Variants in PARD3B observed in about 807,000 individuals in gnomAD.
The protein encoded by PARD3B is partitioning defective 3 homolog B.
PARD3B carries 103 observed loss-of-function variants against 130.2 expected under a neutral mutation model. The observed-to-expected ratio is 0.79, with a 90% CI of 0.67 to 0.93. PARD3B has a LOEUF of 0.93. Ranked by LOEUF, PARD3B falls within the 40% of genes least tolerant of loss-of-function variation. The pLI, the probability that PARD3B is intolerant of heterozygous loss-of-function variation, is 0.00. For missense variants in PARD3B, 1,609 were observed against 1,499.2 expected (o/e 1.07, Z -1.21); for synonymous variants, 583 against 553.2 (o/e 1.05, Z -0.76).
intron 2 of PARD3B, among the ~76,000 whole-genome samples, chr2:204,752,701 C>G (rs971796713): frequency 6.6e-6 from 1 of 152,082 alleles, no homozygotes; most frequent in Non-Finnish European, 1.5e-5. Context: ...ATGTCATCTC[C>G]ATCCATAAAT....
At chr2:205,442,390 C>G (rs943738865) in intron 20 of PARD3B, among the ~76,000 whole-genome samples, 4 of 150,158 alleles carry the variant, frequency 2.7e-5, no homozygotes, top group African/African-American at 9.9e-5. Flanking sequence ...CCTCTGCCTC[C>G]TAGTTTTGAG....
intron 21 of PARD3B, among the ~76,000 whole-genome samples, chr2:205,551,960 G>A (rs1327680477): frequency 6.6e-6 from 1 of 152,196 alleles, no homozygotes; most frequent in Non-Finnish European, 1.5e-5. Flanking sequence ...GCACATGAGT[G>A]GTCCATGTGA....
At chr2:205,099,500 A>C (rs1341924484) in intron 4 of PARD3B, among the ~76,000 whole-genome samples, 2 of 152,220 alleles carry the variant, frequency 1.3e-5, no homozygotes, top group Non-Finnish European at 2.9e-5. Context: ...AGACATGTGC[A>C]ATTTCATGAC....
intron 19 of PARD3B, among the ~76,000 whole-genome samples, chr2:205,417,165 T>C (rs2046808225): frequency 6.8e-6 from 1 of 146,562 alleles, no homozygotes; most frequent in Non-Finnish European, 1.5e-5. Flanking sequence ...CACCTATAAG[T>C]GAGAACATGT....
chr2:204,705,656 C>G (rs2038107089), intron 2 of PARD3B, among the ~76,000 whole-genome samples: 1 of 152,146 alleles, frequency 6.6e-6, no homozygotes, highest in Admixed American at 6.5e-5. Context: ...TGTCAAGCCA[C>G]TGACTGACTA....
chr2:205,477,059 T>C (rs1055274918), intron 20 of PARD3B, among the ~76,000 whole-genome samples: 5 of 152,216 alleles, frequency 3.3e-5, no homozygotes, highest in Non-Finnish European at 5.9e-5. Context: ...AGTAACTACA[T>C]GTCTGGCTTT....
Position 204,887,750 on chromosome 2 carries a change from A to G in PARD3B, c.223-77402A>G, listed in dbSNP as rs896784136. 6.6e-6 allele frequency among the ~76,000 whole-genome samples: 1 copy of G among 152,108 alleles called. No homozygotes were observed. Among genetic ancestry groups the G allele is most frequent in the Non-Finnish European group, 1.5e-5 (1 of 68,022 alleles). On this transcript the variant is annotated intron_variant, in intron 2 of 22. Coordinates refer to ENST00000406610, the MANE Select transcript of PARD3B (RefSeq NM_001302769.2). This position sits in a 1 kb window ranked among gnomAD's most constrained non-coding sequence, Gnocchi z 4.2. ...AGCAGAATGCAAGGTAACTGGAGACATAAAATGAGCACACATGTAAAACCA... is the reference window on the plus strand; with the variant it reads ...AGCAGAATGCAAGGTAACTGGAGACGTAAAATGAGCACACATGTAAAACCA...
chr2:204,965,454 T>G (rs1691151389), intron 3 of PARD3B, 131 bp downstream of exon 3: 4 of 1,036,286 alleles, frequency 3.9e-6, no homozygotes. Flanking sequence ...TTCTTTAAAT[T>G]ATTTTTTTAC....
At chr2:204,656,038 G>A (rs1204129674) in intron 1 of PARD3B, among the ~76,000 whole-genome samples, 3 of 152,002 alleles carry the variant, frequency 2.0e-5, no homozygotes, top group East Asian at 3.9e-4. Context: ...CAAAGGAAAT[G>A]TTCTAAGAAG....
chr2:204,686,634 G>C (rs1449988218), intron 2 of PARD3B, among the ~76,000 whole-genome samples: 1 of 152,156 alleles, frequency 6.6e-6, no homozygotes, highest in African/African-American at 2.4e-5. Context: ...AAATGCCTGA[G>C]GCGTGAATGT....
At chr2:205,484,794 A>G (rs2049374655) in intron 20 of PARD3B, among the ~76,000 whole-genome samples, 3 of 152,310 alleles carry the variant, frequency 2.0e-5, no homozygotes, top group South Asian at 2.1e-4. Flanking sequence ...TTCCCCACAC[A>G]TGACTTCACC....
At chr2:205,098,627 C>T (rs1303588263) in intron 4 of PARD3B, among the ~76,000 whole-genome samples, 3 of 152,098 alleles carry the variant, frequency 2.0e-5, no homozygotes, top group Admixed American at 6.6e-5. Context: ...AATGAATACA[C>T]GTTCTTGTAT....
In PARD3B at chr2:205,104,475, C is replaced by A. The variant is rs773056501; in HGVS notation, c.554C>A (p.Thr185Lys). The A allele has an allele frequency of 1.2e-6, 2 of 1,601,956 alleles. No individual in the cohort carries two copies. Among genetic ancestry groups the A allele is most frequent in the African/African-American group, 2.7e-5 (2 of 74,752 alleles). Residue 185 changes from threonine to lysine, a missense_variant, in exon 5 of 23, where the codon ACA (threonine) becomes AAA (lysine). Coordinates refer to ENST00000406610, the MANE Select transcript of PARD3B (RefSeq NM_001302769.2). ...AGAGAAGTTTTGAATGGTGTACAGA[C>A]AGAACTACTAACTTCGCCAAGAACT... is the stretch of plus-strand genomic sequence containing the variant. ...EDREVLNGVQ[T>K]ELLTSPRTKD...
At chr2:204,660,025 G>T (rs927937681) in intron 1 of PARD3B, among the ~76,000 whole-genome samples, 11 of 152,130 alleles carry the variant, frequency 7.2e-5, no homozygotes, top group African/African-American at 2.7e-4. Flanking sequence ...CACCCCTACA[G>T]ATAATTCACC....
intron 20 of PARD3B, among the ~76,000 whole-genome samples, chr2:205,447,387 T>C (rs2047942145): frequency 6.6e-6 from 1 of 152,214 alleles, no homozygotes; most frequent in Admixed American, 6.5e-5. Flanking sequence ...ATCTTTCTTT[T>C]TTTTCTTGAG....
intron 1 of PARD3B, among the ~76,000 whole-genome samples, chr2:204,654,731 GC>G (rs199991185): frequency 0.017 from 2,524 of 152,288 alleles, 37 homozygotes; most frequent in Middle Eastern, 0.071. Flanking sequence ...TTGGTGATAA[GC>G]TCTTTTCCTT....
At chr2:204,710,822 C>A (rs1381559056) in intron 2 of PARD3B, among the ~76,000 whole-genome samples, 2 of 152,136 alleles carry the variant, frequency 1.3e-5, no homozygotes, top group African/African-American at 2.4e-5. Flanking sequence ...TGTCTTCTCT[C>A]TAATTGCTGT....
rs1407205284 is a variant in PARD3B at position 204,907,823 on chromosome 2, T to C, written c.223-57329T>C. Among the ~76,000 whole-genome samples, 5 of 152,046 alleles carry C rather than the reference T, an allele frequency of 3.3e-5. No individual in the cohort carries two copies. Among genetic ancestry groups the C allele is most frequent in the Non-Finnish European group, 5.9e-5 (4 of 68,006 alleles). ...GTCAAGCAATTCCCCTGCCTCCAAC[T>C]CCTGAGTAGCTGGGACTACAGGTGT... On this transcript the variant is annotated intron_variant, in intron 2 of 22. Transcript: ENST00000406610. This position sits in a 1 kb window ranked among gnomAD's most constrained non-coding sequence, Gnocchi z 5.7.
At chr2:205,354,049 T>G (rs887927309) in intron 18 of PARD3B, among the ~76,000 whole-genome samples, 5 of 127,340 alleles carry the variant, frequency 3.9e-5, no homozygotes, top group Non-Finnish European at 8.5e-5. Flanking sequence ...TTTTTTTTTT[T>G]TGAGACAGGG....
Sources: allele counts gnomAD v4.1 joint callset (sites outside exome capture counted in the v4.1 genomes callset), GRCh38; gene constraint gnomAD v4.1.1; non-coding constraint Gnocchi (gnomAD v3.1); transcripts MANE v1.5; gene names NCBI Gene and HGNC (gene_info 2026-07-23, HGNC 2026-07-21).